The following ZNF333 variants were observed in gnomAD, a reference collection of about 807,000 sequenced individuals.
The protein encoded by ZNF333 is zinc finger protein 333.
ZNF333 carries 61 observed loss-of-function variants against 76.1 expected under a neutral mutation model. That is an observed-to-expected ratio of 0.80 (90% CI 0.65 to 0.99). The LOEUF (loss-of-function observed/expected upper bound fraction) is 0.99, where lower values mean the gene tolerates loss of function less well. Among genes scored for constraint, ZNF333 ranks in the 50% least tolerant of loss-of-function variants. The pLI is 0.00. For synonymous variants in ZNF333, 284 were observed against 305.0 expected (o/e 0.93, Z 0.72); for missense variants, 717 against 822.4 (o/e 0.87, Z 1.57).
chr19:14,724,835 CAT>C (rs1175510793), downstream of ZNF333, among the ~76,000 whole-genome samples: 2 of 152,154 alleles, frequency 1.3e-5, no homozygotes, highest in African/African-American at 2.4e-5. Context: ...GATTCTTACA[CAT>C]GTGCATTAAT....
chr19:14,698,012 C>G (rs1973348221), intron 4 of ZNF333, among the ~76,000 whole-genome samples: 1 of 152,172 alleles, frequency 6.6e-6, no homozygotes, highest in African/African-American at 2.4e-5. Flanking sequence ...CCCCTCATTC[C>G]TATGACTGCC....
At chr19:14,706,114 G>T in intron 6 of ZNF333, 1 of 457,568 alleles carries the variant, frequency 2.2e-6, no homozygotes, top group Non-Finnish European at 4.4e-6. Flanking sequence ...CCCTGCTGCT[G>T]CCATCCTGCC....
At chr19:14,699,535 A>G in intron 5 of ZNF333, 2 of 346,064 alleles carry the variant, frequency 5.8e-6, no homozygotes, top group Non-Finnish European at 1.1e-5. Context: ...ATCTCGGCTC[A>G]TTTCAGCCTC....
chr19:14,691,124 C>CT, intron 1 of ZNF333, among the ~76,000 whole-genome samples: 1 of 152,066 alleles, frequency 6.6e-6, no homozygotes, highest in Non-Finnish European at 1.5e-5. Flanking sequence ...AGGAGGAGTT[C>CT]TTAATTTTTT....
Position 14,695,142 on chromosome 19 carries a change from G to A in ZNF333, c.127+9G>A. On this transcript the variant is annotated intron_variant, in intron 3 of 11. Transcript: ENST00000292530. ...GACCCTGGCCTCCAGGGGTAAGGCT[G>A]GCGTCACCTGGCTCCTTCCTGTACG... 6.2e-7 allele frequency: 1 copy of A among 1,612,092 alleles called. No homozygotes were observed. Among genetic ancestry groups the A allele is most frequent in the Non-Finnish European group, 8.5e-7 (1 of 1,178,644 alleles).
At position 14,721,529 on chromosome 19, in the gene ZNF333, A is replaced by G. The variant is rs1019243563; in HGVS notation, c.*2204A>G. On this transcript the variant is annotated 3_prime_UTR_variant, in exon 12 of 12. Coordinates refer to ENST00000292530, the MANE Select transcript of ZNF333 (RefSeq NM_032433.4). Reference sequence around the variant, plus strand: ...TGTTCATGTAAATGGAACCATAAACAGCCCTCTTGTGTCTGTTTTCTTCAC... The same window carrying G: ...TGTTCATGTAAATGGAACCATAAACGGCCCTCTTGTGTCTGTTTTCTTCAC... The G allele has an allele frequency of 2.6e-4, 39 of 152,274 alleles. No individual in the cohort carries two copies. Among genetic ancestry groups the G allele is most frequent in the African/African-American group, 8.9e-4 (37 of 41,566 alleles). 9.4% of individuals were successfully genotyped at this position (152,274 alleles called of 1,614,324 possible).
chr19:14,722,951 A>AT (rs2042607926), downstream of ZNF333, among the ~76,000 whole-genome samples: 2 of 152,048 alleles, frequency 1.3e-5, no homozygotes, highest in Non-Finnish European at 2.9e-5. Context: ...ATGCCTGGCT[A>AT]ATTTTTTTGT....
At position 14,691,446 on chromosome 19, in the gene ZNF333, G is replaced by A. The variant is rs141336140; in HGVS notation, c.-42+1296G>A. ...TTTTTTAATAATGGGGTTAAAGCTC[G>A]TGTCTACTGAGAAATCAGGAAAAAA... On this transcript the variant is annotated intron_variant, in intron 1 of 11. Transcript: ENST00000292530. Among the ~76,000 whole-genome samples the A allele has an allele frequency of 1.1e-4, 17 of 152,234 alleles. No homozygotes were observed. The East Asian group carries it at 2.7e-3, about 24-fold the overall frequency.
rs1467478890 is a variant in ZNF333 at position 14,718,662 on chromosome 19, A to AAACTCGTAG, written c.1335_1336insAACTCGTAG (p.Thr445_Gly446insAsnSerTer). On this transcript the variant is annotated stop_gained and inframe_insertion, in exon 12 of 12. Transcript: ENST00000292530. LOFTEE classifies it high-confidence loss of function. ...TGATTTTGCACCAGAGAAACCACACAGGAGAGAAGCCCTACGAGTGTAAAG... is the reference window on the plus strand; with the variant it reads ...TGATTTTGCACCAGAGAAACCACACAAACTCGTAGGGAGAGAAGCCCTACGAGTGTAAAG... The AAACTCGTAG allele has an allele frequency of 6.2e-7, 1 of 1,614,004 alleles. No homozygotes were observed. The highest frequency in any genetic ancestry group is 2.2e-5 in the East Asian group (1 of 44,884).
chr19:14,692,578 T>C (rs1012049171), intron 1 of ZNF333, among the ~76,000 whole-genome samples: 2 of 152,166 alleles, frequency 1.3e-5, no homozygotes, highest in African/African-American at 4.8e-5. Context: ...CAGTGTGGGA[T>C]CTGGGCTCAC....
Position 14,699,983 on chromosome 19 carries a change from G to T in ZNF333, c.306+702G>T, listed in dbSNP as rs184731353. 2.9e-4 allele frequency among the ~76,000 whole-genome samples: 44 copies of T among 151,898 alleles called. 1 individual carries two copies. Among genetic ancestry groups the T allele is most frequent in the African/African-American group, 1.0e-3 (43 of 41,434 alleles). On this transcript the variant is annotated intron_variant, in intron 5 of 11. Coordinates refer to ENST00000292530, the MANE Select transcript of ZNF333 (RefSeq NM_032433.4). The stretch of plus-strand genomic sequence containing the variant: ...CCTGGGCACTGGCACAGATATTGGC[G>T]AGCTTTCCACCATCATTCACCTCTT...
intron 7 of ZNF333, chr19:14,708,547 T>A (rs2042185758): frequency 2.6e-6 from 1 of 387,200 alleles, no homozygotes. Context: ...CCAGGGTTTC[T>A]CAACTGCAGC....
At chr19:14,723,418 G>T (rs2042613785), downstream of ZNF333, among the ~76,000 whole-genome samples, 1 of 152,166 alleles carries the variant, frequency 6.6e-6, no homozygotes, top group African/African-American at 2.4e-5. Context: ...GTATTCTTGA[G>T]ATTTCATATG....
chr19:14,701,692 C>G, intron 5 of ZNF333: 1 of 985,460 alleles, frequency 1.0e-6, no homozygotes, highest in Non-Finnish European at 1.2e-6. Flanking sequence ...CTCCAGTGCC[C>G]TCCACAGAAC....
At chr19:14,715,598 C>T (rs1568551263) in intron 8 of ZNF333, 128 bp downstream of exon 8, 1 of 796,968 alleles carries the variant, frequency 1.3e-6, no homozygotes, top group Non-Finnish European at 2.0e-6. Context: ...GGGCCTCTTG[C>T]AGTGGGTGTC....
chr19:14,694,633 G>A (rs908033524), intron 2 of ZNF333, among the ~76,000 whole-genome samples: 9 of 152,166 alleles, frequency 5.9e-5, no homozygotes, highest in African/African-American at 2.2e-4. Flanking sequence ...GTAATAAGGA[G>A]TTTAGGAAAA....
At chr19:14,705,961 G>C (rs2042097699) in intron 6 of ZNF333, 2 of 387,068 alleles carry the variant, frequency 5.2e-6, no homozygotes, top group Non-Finnish European at 1.0e-5. Flanking sequence ...CCTGCATGAG[G>C]AGAAAAGGCC....
At chr19:14,693,755 C>A (rs1972944922) in intron 2 of ZNF333, among the ~76,000 whole-genome samples, 1 of 152,086 alleles carries the variant, frequency 6.6e-6, no homozygotes, top group South Asian at 2.1e-4. Context: ...CCTTGTCATC[C>A]CTGGTGAGAC....
chr19:14,714,123 G>A (rs1049017164), intron 7 of ZNF333, among the ~76,000 whole-genome samples: 2 of 151,258 alleles, frequency 1.3e-5, no homozygotes, highest in Admixed American at 6.6e-5. Context: ...AGGGTAGATA[G>A]CCCATGATAG....
Sources: gnomAD v4.1 joint callset for allele counts (sites outside exome capture counted in the v4.1 genomes callset) on GRCh38, gnomAD v4.1.1 for gene constraint, MANE v1.5 for transcripts, NCBI Gene and HGNC (gene_info 2026-07-23, HGNC 2026-07-21) for gene names.